The following CAPN7 variants were observed in gnomAD, a reference collection of about 807,000 sequenced individuals.
CAPN7 encodes calpain-7.
A neutral mutation model predicts 115.2 loss-of-function variants in CAPN7; 72 were observed. The observed-to-expected ratio is 0.63, with a 90% CI of 0.52 to 0.76. The LOEUF (loss-of-function observed/expected upper bound fraction) is 0.76. CAPN7 is among the 30% of genes least tolerant of loss of function. The probability of loss-of-function intolerance (pLI) is 0.00; values close to 1 mark genes in which losing one functional copy is unlikely to be tolerated. For missense variants in CAPN7, 905 were observed against 971.5 expected (o/e 0.93, Z 0.91); for synonymous variants, 344 against 322.3 (o/e 1.07, Z -0.72).
At chr3:15,210,835 A>AT in intron 1 of CAPN7, 1 of 1,289,582 alleles carries the variant, frequency 7.8e-7, no homozygotes, top group Non-Finnish European at 1.0e-6. Context: ...AAACAACTGG[A>AT]TTCAAAAAGT....
In CAPN7 at chr3:15,217,525, G is replaced by A; in HGVS notation, c.312G>A (p.Glu104=). Residue 104 remains glutamate (E), a synonymous_variant, in exon 3 of 21, where the codon GAG becomes GAA. Transcript: ENST00000253693. ...AAGCTTTTGATGAAGATGAAAAAGA[G>A]AATGTTGAAGATGCTATAGAATTGT... ...VTQAFDEDEK[E]NVEDAIELYT... 1 of 1,613,874 alleles carries A rather than the reference G, an allele frequency of 6.2e-7. No individual in the cohort carries two copies. Among genetic ancestry groups the A allele is most frequent in the Non-Finnish European group, 8.5e-7 (1 of 1,179,880 alleles).
intron 1 of CAPN7, 24 bp downstream of exon 1, chr3:15,206,621 G>T (rs1257699284): frequency 6.6e-7 from 1 of 1,518,374 alleles, no homozygotes; most frequent in Non-Finnish European, 8.9e-7. Flanking sequence ...CGGCGCTTCG[G>T]TCGGAGTTGC....
chr3:15,246,857 A>G (rs1695694692), intron 18 of CAPN7, 63 bp downstream of exon 18: 7 of 1,196,476 alleles, frequency 5.9e-6, no homozygotes, highest in Admixed American at 2.2e-5. Context: ...TCCCTTTCCC[A>G]TTTCTCTCAT....
chr3:15,216,929 C>A (rs1693639078), intron 2 of CAPN7, among the ~76,000 whole-genome samples: 1 of 151,410 alleles, frequency 6.6e-6, no homozygotes, highest in Non-Finnish European at 1.5e-5. Context: ...TTTCTTAGAC[C>A]TTAAGATTAA....
intron 14 of CAPN7, among the ~76,000 whole-genome samples, chr3:15,241,109 G>A (rs1695318679): frequency 6.6e-6 from 1 of 152,166 alleles, no homozygotes; most frequent in South Asian, 2.1e-4. Flanking sequence ...GGAGGCTGAG[G>A]TCAGCAGATC....
intron 6 of CAPN7, among the ~76,000 whole-genome samples, chr3:15,224,015 T>A (rs1168734822): frequency 6.6e-6 from 1 of 152,212 alleles, no homozygotes; most frequent in Non-Finnish European, 1.5e-5. Flanking sequence ...TTAAAAATAT[T>A]GTTTGGTTCA....
intron 12 of CAPN7, among the ~76,000 whole-genome samples, chr3:15,238,656 C>T (rs544324632): frequency 1.5e-3 from 228 of 152,018 alleles, no homozygotes; most frequent in Non-Finnish European, 2.4e-3. Flanking sequence ...TTAGTCTCAG[C>T]GATTCTCTCT....
chr3:15,231,979 A>C (rs181423303), intron 9 of CAPN7: 8 of 204,984 alleles, frequency 3.9e-5, no homozygotes, highest in African/African-American at 1.9e-4. Context: ...TGCATTTAAA[A>C]GTGAGGCCCT....
chr3:15,217,652 C>A, intron 3 of CAPN7, 70 bp downstream of exon 3: 1 of 1,257,916 alleles, frequency 7.9e-7, no homozygotes, highest in Non-Finnish European at 1.1e-6. Context: ...GTGAATTTTA[C>A]ATAACACCTT....
In CAPN7 at chr3:15,218,467, C is replaced by T; in HGVS notation, c.370-6C>T. On this transcript the variant is annotated splice_polypyrimidine_tract_variant and splice_region_variant and intron_variant, in intron 3 of 20. Transcript: ENST00000253693. ...TTAAAATGTCTGTCTCTTTCTTTCT[C>T]TTAAGTCTTATGAAACTGCTGATAA... 5 of 1,603,868 alleles carry T rather than the reference C, an allele frequency of 3.1e-6. No homozygotes were observed. The highest frequency in any genetic ancestry group is 1.3e-5 in the African/African-American group (1 of 74,844).
intron 1 of CAPN7, chr3:15,210,725 A>T: frequency 1.7e-6 from 2 of 1,191,362 alleles, no homozygotes; most frequent in Non-Finnish European, 2.2e-6. Context: ...CCTCCTGAGT[A>T]GCTGGGACTA....
chr3:15,242,514 G>A (rs1177021725), intron 16 of CAPN7, among the ~76,000 whole-genome samples: 1 of 152,174 alleles, frequency 6.6e-6, no homozygotes, highest in Non-Finnish European at 1.5e-5. Context: ...CTTAAATGAT[G>A]TCTTTTACTC....
At chr3:15,215,205 A>G (rs2045178754) in intron 2 of CAPN7, among the ~76,000 whole-genome samples, 1 of 152,090 alleles carries the variant, frequency 6.6e-6, no homozygotes, top group Non-Finnish European at 1.5e-5. Context: ...CAGAAGGGTC[A>G]CTTGAGCCCA....
In CAPN7 at chr3:15,206,250, G is replaced by A. The variant is rs902958362; in HGVS notation, c.-246G>A. On this transcript the variant is annotated 5_prime_UTR_variant, in exon 1 of 21. Coordinates refer to ENST00000253693, the MANE Select transcript of CAPN7 (RefSeq NM_014296.3). ...CGGGCGGCTGGTGGGCGGGGCGAGG[G>A]CCGCTGGGGCCGCGAAGTGGGGCGG... 7.4e-5 allele frequency: 28 copies of A among 378,124 alleles called. No homozygotes were observed. The highest frequency in any genetic ancestry group is 2.2e-5 in the African/African-American group (1 of 46,350). The allele number at this position is 378,124 out of a possible 1,614,324, so 23.4% of individuals were successfully genotyped here. A position where few individuals can be genotyped will look rare whatever the true frequency, so the allele number is the denominator to read the frequency against.
At chr3:15,241,274 A>G (rs1486243115) in intron 14 of CAPN7, among the ~76,000 whole-genome samples, 179 bp from the exon 15 acceptor site, 1 of 152,208 alleles carries the variant, frequency 6.6e-6, no homozygotes, top group Admixed American at 6.5e-5. Flanking sequence ...TCACGCCCAC[A>G]GTGACTATCT....
chr3:15,246,473 C>A (rs2125010951), intron 17 of CAPN7: 1 of 411,986 alleles, frequency 2.4e-6, no homozygotes, highest in Non-Finnish European at 4.3e-6. Flanking sequence ...GCTGCTGCCA[C>A]CCATTCCTTT....
chr3:15,210,584 C>T (rs1353968280), intron 1 of CAPN7, among the ~76,000 whole-genome samples: 3 of 137,522 alleles, frequency 2.2e-5, no homozygotes, highest in Non-Finnish European at 4.5e-5. Flanking sequence ...TCATTCCTTC[C>T]TTGCTTCCTT....
At chr3:15,225,008 G>A (rs1694230142) in intron 6 of CAPN7, among the ~76,000 whole-genome samples, 1 of 152,150 alleles carries the variant, frequency 6.6e-6, no homozygotes, top group African/African-American at 2.4e-5. Context: ...CTCAAACCTT[G>A]TGTAACACCG....
At chr3:15,221,626 A>G (rs570724070) in intron 5 of CAPN7, among the ~76,000 whole-genome samples, 1 of 152,108 alleles carries the variant, frequency 6.6e-6, no homozygotes, top group Admixed American at 6.5e-5. Context: ...CTCTTAATCT[A>G]TGCAACTTTG....
Sources: allele counts gnomAD v4.1 joint callset (sites outside exome capture counted in the v4.1 genomes callset), GRCh38; gene constraint gnomAD v4.1.1; transcripts MANE v1.5; gene names NCBI Gene and HGNC (gene_info 2026-07-23, HGNC 2026-07-21).